The following GSTA4 variants were observed in gnomAD, a reference collection of about 807,000 sequenced individuals.
GSTA4 encodes the protein glutathione S-transferase A4.
A neutral mutation model predicts 24.4 loss-of-function variants in GSTA4; 15 were observed. The observed-to-expected ratio is 0.61, with a 90% CI of 0.41 to 0.95. The LOEUF (loss-of-function observed/expected upper bound fraction) is 0.95. GSTA4 is among the 40% of genes least tolerant of loss of function. The pLI is 0.00. For missense variants in GSTA4, 244 were observed against 262.1 expected (o/e 0.93, Z 0.48); for synonymous variants, 92 against 94.2 (o/e 0.98, Z 0.13).
At chr6:52,987,972 A>C (rs746123963) in intron 2 of GSTA4, 3 of 152,278 alleles carry the variant, frequency 2.0e-5, no homozygotes, top group Non-Finnish European at 4.4e-5. Context: ...GGTAAATATC[A>C]TACAGGCTCA....
intron 1 of GSTA4, among the ~76,000 whole-genome samples, chr6:52,994,698 T>A (rs1002126456): frequency 5.9e-5 from 9 of 152,038 alleles, no homozygotes; most frequent in African/African-American, 1.7e-4. Context: ...TTTACATACA[T>A]CATCATATTT....
At position 52,984,581 on chromosome 6, in the gene GSTA4, T is replaced by G; in HGVS notation, c.297A>C (p.Thr99=). 3.7e-6 allele frequency: 6 copies of G among 1,613,688 alleles called. No individual in the cohort carries two copies. Among genetic ancestry groups the G allele is most frequent in the Non-Finnish European group, 5.1e-6 (6 of 1,179,674 alleles). ...TGATAAGCAGTTCCAGCAGATCCAGTGTCCCCTCCACGTACATGTCAATCC... is the reference window on the plus strand; with the variant it reads ...TGATAAGCAGTTCCAGCAGATCCAGGGTCCCCTCCACGTACATGTCAATCC... ...RTLIDMYVEG[T]LDLLELLIMH... is the part of the protein sequence containing the mutation. Residue 99 remains threonine (T), a synonymous_variant, in exon 5 of 7, where the codon ACA becomes ACC. Coordinates refer to ENST00000370963, the MANE Select transcript of GSTA4 (RefSeq NM_001512.4).
At chr6:52,984,667 C>A in intron 4 of GSTA4, 62 bp from the exon 5 acceptor site, 30 of 1,228,326 alleles carry the variant, frequency 2.4e-5, no homozygotes, top group Non-Finnish European at 3.2e-5. Flanking sequence ...GTTTCCACAA[C>A]TAAGAATTCA....
Position 52,994,151 on chromosome 6 carries a change from A to G in GSTA4, c.87+6T>C. The G allele has an allele frequency of 6.3e-7, 1 of 1,579,554 alleles. No homozygotes were observed. The highest frequency in any genetic ancestry group is 8.7e-7 in the Non-Finnish European group (1 of 1,148,380). ...CAAATCCGTGAAGAAACAGCATATA[A>G]GGTACCTCGACTCCGGCGGCAGCTA... On this transcript the variant is annotated splice_donor_region_variant and intron_variant, in intron 2 of 6. Coordinates refer to ENST00000370963, the MANE Select transcript of GSTA4 (RefSeq NM_001512.4).
At chr6:52,985,708 A>G (rs1211729688) in intron 3 of GSTA4, 125 bp from the exon 4 acceptor site, 8 of 972,134 alleles carry the variant, frequency 8.2e-6, no homozygotes, top group Non-Finnish European at 1.1e-5. Context: ...TAAAGCTTCC[A>G]GATGACAGAT....
intron 3 of GSTA4, among the ~76,000 whole-genome samples, chr6:52,986,175 T>C (rs1763552753): frequency 6.6e-6 from 1 of 152,242 alleles, no homozygotes; most frequent in South Asian, 2.1e-4. Context: ...TCTTCAGTGC[T>C]ACACTGGCCA....
chr6:52,982,475 TAC>T (rs3831189), intron 6 of GSTA4, 97 bp downstream of exon 6: 1,538 of 568,336 alleles, frequency 2.7e-3, no homozygotes, highest in Admixed American at 4.5e-3. Flanking sequence ...ATATTACACA[TAC>T]ACACACACAC....
Position 52,985,434 on chromosome 6 carries a change from G to A in GSTA4, c.272+17C>T, listed in dbSNP as rs139389305. ...AGTAAGCTGACAAGTGACAACACTCGAGAGGGGCCACAGTACAGGGTTCTC... is the reference window on the plus strand; with the variant it reads ...AGTAAGCTGACAAGTGACAACACTCAAGAGGGGCCACAGTACAGGGTTCTC... On this transcript the variant is annotated intron_variant, in intron 4 of 6. Transcript: ENST00000370963. The A allele has an allele frequency of 1.2e-4, 201 of 1,610,530 alleles. No homozygotes were observed. The African/African-American group carries it at 2.1e-3, about 17-fold the overall frequency.
intron 1 of GSTA4, among the ~76,000 whole-genome samples, chr6:52,994,721 A>C (rs962776537): frequency 3.3e-5 from 5 of 152,262 alleles, no homozygotes; most frequent in African/African-American, 1.2e-4. Flanking sequence ...TTATCACGGC[A>C]ACTGGAAGGT....
rs552106614 is a variant in GSTA4, at chr6:52,991,692, C to G, written c.87+2465G>C. 1.3e-4 allele frequency among the ~76,000 whole-genome samples: 19 copies of G among 151,706 alleles called. No homozygotes were observed. The South Asian group carries it at 3.3e-3, about 27-fold the overall frequency. ...GGAAAATTCTACAGGGCAGTTTCTT[C>G]CAAAAATAAATGGCACTAGAAACAA... is the stretch of plus-strand genomic sequence containing the variant. On this transcript the variant is annotated intron_variant, in intron 2 of 6. Transcript: ENST00000370963.
At chr6:52,985,337 T>G in intron 4 of GSTA4, 114 bp downstream of exon 4, 4 of 981,404 alleles carry the variant, frequency 4.1e-6, no homozygotes, top group Non-Finnish European at 5.9e-6. Flanking sequence ...TTTTGTTCCC[T>G]GATCTCACTA....
rs1283108093 is a variant in GSTA4 at position 52,985,499 on chromosome 6, A to G, written c.224T>C (p.Ile75Thr). 1.2e-6 allele frequency: 2 copies of G among 1,614,050 alleles called. No individual in the cohort carries two copies. Among genetic ancestry groups the G allele is most frequent in the African/African-American group, 2.7e-5 (2 of 75,058 alleles). Residue 75 changes from isoleucine (I) to threonine (T), a missense_variant, in exon 4 of 7, where the codon ATA (isoleucine) becomes ACA (threonine). Ile to Thr is a moderately conservative substitution (Grantham distance 89). Transcript: ENST00000370963. ...LVQTRSILHY[I>T]ADKHNLFGKN... ...GCCAAAGAGATTGTGCTTGTCTGCT[A>G]TGTAGTGGAGAATGCTTCGGGTCTG... is the stretch of plus-strand genomic sequence containing the variant.
At chr6:52,988,589 C>G (rs1386608427) in intron 2 of GSTA4, among the ~76,000 whole-genome samples, 2 of 152,104 alleles carry the variant, frequency 1.3e-5, no homozygotes, top group Non-Finnish European at 2.9e-5. Flanking sequence ...ACCTTACGAA[C>G]ATAATGGCCT....
intron 4 of GSTA4, 66 bp from the exon 5 acceptor site, chr6:52,984,671 G>T: frequency 6.9e-5 from 75 of 1,088,522 alleles, no homozygotes; most frequent in Non-Finnish European, 7.9e-5. Context: ...CCACAACTAA[G>T]AATTCAGAGT....
At chr6:52,978,616 T>A in intron 6 of GSTA4, 24 bp from the exon 7 acceptor site, 1 of 1,579,604 alleles carries the variant, frequency 6.3e-7, no homozygotes, top group Admixed American at 1.8e-5. Flanking sequence ...ACCAAAACTT[T>A]AAGGCTAACA....
intron 2 of GSTA4, among the ~76,000 whole-genome samples, chr6:52,991,706 C>T (rs1763664077): frequency 1.3e-5 from 2 of 151,448 alleles, no homozygotes. Flanking sequence ...AAATAAATGG[C>T]ACTAGAAACA....
intron 5 of GSTA4, 93 bp from the exon 6 acceptor site, chr6:52,982,798 C>T: frequency 2.1e-6 from 2 of 936,692 alleles, no homozygotes; most frequent in Non-Finnish European, 1.7e-6. Context: ...AGAGGTGAAA[C>T]TATGACCTTG....
At chr6:52,994,284 C>A in intron 1 of GSTA4, 23 bp from the exon 2 acceptor site, 1 of 1,317,168 alleles carries the variant, frequency 7.6e-7, no homozygotes, top group Non-Finnish European at 1.1e-6. Flanking sequence ...TGCAGCAGCT[C>A]GTCGCAGACC....
chr6:52,986,939 T>A (rs1028572140), intron 3 of GSTA4, among the ~76,000 whole-genome samples: 9 of 152,162 alleles, frequency 5.9e-5, no homozygotes, highest in Admixed American at 2.6e-4. Flanking sequence ...CTGTGTAGTA[T>A]TTACTTCAGA....
Sources: allele counts gnomAD v4.1 joint callset (sites outside exome capture counted in the v4.1 genomes callset), GRCh38; gene constraint gnomAD v4.1.1; transcripts MANE v1.5; gene names NCBI Gene and HGNC (gene_info 2026-07-23, HGNC 2026-07-21).